Variants in STPG2 observed in about 807,000 individuals in gnomAD.
STPG2 encodes sperm-tail PG-rich repeat-containing protein 2.
STPG2 carries 56 observed loss-of-function variants against 54.2 expected under a neutral mutation model. The observed-to-expected ratio is 1.03, with a 90% confidence interval of 0.83 to 1.29. The LOEUF (loss-of-function observed/expected upper bound fraction) is 1.29, where lower values mean the gene tolerates loss of function less well. STPG2 is among the 50% of genes most tolerant of loss of function. The probability of loss-of-function intolerance (pLI) is 0.00; values close to 1 mark genes in which losing one functional copy is unlikely to be tolerated. For missense variants in STPG2, 596 were observed against 544.9 expected (o/e 1.09, Z -0.93); for synonymous variants, 200 against 181.8 (o/e 1.10, Z -0.81).
chr4:97,905,229 G>T (rs370449534), intron 8 of STPG2, among the ~76,000 whole-genome samples: 1 of 151,922 alleles, frequency 6.6e-6, no homozygotes, highest in Non-Finnish European at 1.5e-5. Context: ...ACCCTCAAAG[G>T]GAAGCCCATC....
intron 10 of STPG2, among the ~76,000 whole-genome samples, chr4:97,649,691 T>C (rs1722010512): frequency 6.6e-6 from 1 of 151,976 alleles, no homozygotes; most frequent in Non-Finnish European, 1.5e-5. Flanking sequence ...AGGTAACCAT[T>C]TGAAATTGAA....
intron 5 of STPG2, among the ~76,000 whole-genome samples, chr4:98,033,130 A>C (rs533409988): frequency 2.6e-3 from 394 of 150,754 alleles, no homozygotes; most frequent in African/African-American, 8.7e-3. Flanking sequence ...CACACACACA[A>C]AAAAAACCCT....
intron 10 of STPG2, among the ~76,000 whole-genome samples, chr4:97,599,286 A>C (rs2148904797): frequency 6.6e-6 from 1 of 152,254 alleles, no homozygotes; most frequent in African/African-American, 2.4e-5. Context: ...GTGCTTATAC[A>C]CCTCTGGTGG....
chr4:97,719,813 T>G (rs559849470), intron 9 of STPG2, among the ~76,000 whole-genome samples: 1 of 152,078 alleles, frequency 6.6e-6, no homozygotes, highest in South Asian at 2.1e-4. Flanking sequence ...TTTACTTTCT[T>G]TTTAGTAATT....
intron 5 of STPG2, among the ~76,000 whole-genome samples, chr4:98,097,887 T>C (rs1422309944): frequency 1.3e-5 from 2 of 152,012 alleles, no homozygotes; most frequent in Admixed American, 6.5e-5. Flanking sequence ...ACAGATAAAA[T>C]TGAATACCTA....
rs555877662 is a variant in STPG2 at position 97,696,915 on chromosome 4, T to C, written c.1320+15784A>G. On this transcript the variant is annotated intron_variant, in intron 10 of 10. Transcript: ENST00000295268. ...TTGAGGCATACCACCCTCAAAAAACTATTTGTAAACAGGATTGGACCTGGC... is the reference window on the plus strand; with the variant it reads ...TTGAGGCATACCACCCTCAAAAAACCATTTGTAAACAGGATTGGACCTGGC... Among the ~76,000 whole-genome samples the C allele has an allele frequency of 3.3e-5, 5 of 152,288 alleles. No homozygotes were observed. The East Asian group carries it at 9.7e-4, about 29-fold the overall frequency.
chr4:97,606,891 A>G (rs1455661488), intron 10 of STPG2, among the ~76,000 whole-genome samples: 2 of 152,028 alleles, frequency 1.3e-5, no homozygotes, highest in East Asian at 3.9e-4. Flanking sequence ...GACATATTTT[A>G]AATTAAATTT....
intron 7 of STPG2, among the ~76,000 whole-genome samples, chr4:97,959,151 A>G (rs774238207): frequency 3.3e-5 from 5 of 152,182 alleles, no homozygotes; most frequent in Non-Finnish European, 7.4e-5. Context: ...ATCAAGATGG[A>G]AATTAAAAGA....
chr4:97,480,850 T>C (rs1003626367), intron 4 of STPG2, among the ~76,000 whole-genome samples: 2 of 151,618 alleles, frequency 1.3e-5, no homozygotes, highest in African/African-American at 4.8e-5. Context: ...AAACATTTTT[T>C]TTCCCAGGAT....
intron 9 of STPG2, among the ~76,000 whole-genome samples, chr4:97,780,495 C>A (rs1054026036): frequency 3.2e-5 from 2 of 63,280 alleles, no homozygotes; most frequent in South Asian, 6.5e-4. Flanking sequence ...GACTTTAACA[C>A]CCCACTGTCA....
intron 8 of STPG2, among the ~76,000 whole-genome samples, chr4:97,873,118 C>G (rs973771616): frequency 1.1e-4 from 16 of 151,174 alleles, no homozygotes; most frequent in African/African-American, 3.6e-4. Context: ...TCCTCACGTA[C>G]CCACACATAC....
intron 10 of STPG2, among the ~76,000 whole-genome samples, chr4:97,704,402 A>G (rs796157198): frequency 5.4e-4 from 82 of 152,280 alleles, no homozygotes; most frequent in African/African-American, 1.9e-3. Flanking sequence ...AGAAGCTCAT[A>G]CCTCTGACAG....
At chr4:97,614,782 G>T (rs973735735) in intron 10 of STPG2, among the ~76,000 whole-genome samples, 2 of 152,106 alleles carry the variant, frequency 1.3e-5, no homozygotes, top group Non-Finnish European at 2.9e-5. Context: ...TTTGTCTGCA[G>T]CTGATTAGGG....
intron 5 of STPG2, among the ~76,000 whole-genome samples, chr4:97,993,366 T>C (rs1177281434): frequency 6.6e-6 from 1 of 152,142 alleles, no homozygotes; most frequent in Non-Finnish European, 1.5e-5. Context: ...TCTATTTATG[T>C]AGTATATCAC....
rs138698005 is a variant in STPG2, at chr4:98,047,481, T to C, written c.612+58472A>G. On this transcript the variant is annotated intron_variant, in intron 5 of 10. Transcript: ENST00000295268. ...AGGGAGAAACGGGGATCTAGGAGTT[T>C]CTGCCTATTCACTCTGCATTAAATT... Among the ~76,000 whole-genome samples the C allele has an allele frequency of 4.5e-3, 682 of 152,224 alleles. 2 individuals carry two copies. Among genetic ancestry groups the C allele is most frequent in the African/African-American group, 0.015 (642 of 41,544 alleles).
intron 5 of STPG2, among the ~76,000 whole-genome samples, chr4:97,996,650 T>C (rs1458484322): frequency 1.2e-5 from 1 of 86,258 alleles, no homozygotes; most frequent in African/African-American, 4.3e-5. Context: ...ACCTATAGAA[T>C]GAGAGAAAAA....
At position 97,837,950 on chromosome 4, in the gene STPG2, T is replaced by C. The variant is rs565492863; in HGVS notation, c.1204+2823A>G. 9.2e-5 allele frequency among the ~76,000 whole-genome samples: 14 copies of C among 151,648 alleles called. No homozygotes were observed. In the South Asian group the frequency reaches 2.1e-3, roughly 22 times the overall value. ...GTAATCAATTTTAATTTTCCAATAA[T>C]TCTCTATATAGATAGAAAGAAAACG... On this transcript the variant is annotated intron_variant, in intron 9 of 10. Transcript: ENST00000295268.
chr4:97,465,921 A>C (rs2148811621), intron 4 of STPG2, among the ~76,000 whole-genome samples: 1 of 152,014 alleles, frequency 6.6e-6, no homozygotes, highest in African/African-American at 2.4e-5. Context: ...CCTGTTGTTT[A>C]CATGTGTTTA....
At chr4:97,604,723 T>G (rs1733551118) in intron 10 of STPG2, among the ~76,000 whole-genome samples, 1 of 151,692 alleles carries the variant, frequency 6.6e-6, no homozygotes, top group Admixed American at 6.6e-5. Context: ...TAATAATACT[T>G]GAGAAATGAA....
Sources: allele counts gnomAD v4.1 joint callset (sites outside exome capture counted in the v4.1 genomes callset), GRCh38; gene constraint gnomAD v4.1.1; transcripts MANE v1.5; gene names NCBI Gene and HGNC (gene_info 2026-07-23, HGNC 2026-07-21).